CDIN1: variants seen among roughly 807,000 people sequenced by gnomAD.
CDIN1 encodes CDAN1-interacting nuclease 1.
A neutral mutation model predicts 45.3 loss-of-function variants in CDIN1; 33 were observed. The ratio of observed to expected loss-of-function variants is 0.73; its 90% CI spans 0.55 to 0.97. The LOEUF (loss-of-function observed/expected upper bound fraction) is 0.97. Ranked by LOEUF, CDIN1 falls within the 50% of genes least tolerant of loss-of-function variation. CDIN1 has a pLI of 0.00. For synonymous variants in CDIN1, 118 were observed against 124.4 expected, an observed-to-expected ratio of 0.95 and a Z score of 0.34; for missense variants, 303 against 339.4, an observed-to-expected ratio of 0.89 and a Z score of 0.84.
In CDIN1 at chr15:36,796,820, T is replaced by A. The variant is rs142572602; in HGVS notation, c.717-11504T>A. Reference sequence around the variant, plus strand: ...TCCAGCATTAATTAAGCTATGCCTTTAAAATATAATCAGGTACCATCTTTA... The same window carrying A: ...TCCAGCATTAATTAAGCTATGCCTTAAAAATATAATCAGGTACCATCTTTA... On this transcript the variant is annotated intron_variant, in intron 10 of 10. Coordinates refer to ENST00000566621, the MANE Select transcript of CDIN1 (RefSeq NM_001321759.2). Among the ~76,000 whole-genome samples, 41 of 152,374 alleles carry A rather than the reference T, an allele frequency of 2.7e-4. No homozygotes were observed. In the East Asian group the frequency reaches 6.7e-3, roughly 25 times the overall value.
chr15:36,772,798 A>G (rs1274842517), intron 10 of CDIN1, among the ~76,000 whole-genome samples: 1 of 152,218 alleles, frequency 6.6e-6, no homozygotes, highest in Admixed American at 6.5e-5. Context: ...TGTATCTCCA[A>G]ATTCCAAAAG....
intron 5 of CDIN1, among the ~76,000 whole-genome samples, chr15:36,659,966 C>CTTTTTTTTTTTTTTTTTTTTTT (rs778988517): frequency 1.1e-4 from 12 of 105,138 alleles, no homozygotes; most frequent in African/African-American, 1.8e-4. Flanking sequence ...CCTTCCTTTT[C>CTTTTTTTTTTTTTTTTTTTTTT]TTTTTTTTTT....
At chr15:36,727,530 C>A (rs2043681399) in intron 10 of CDIN1, among the ~76,000 whole-genome samples, 1 of 152,064 alleles carries the variant, frequency 6.6e-6, no homozygotes, top group Admixed American at 6.6e-5. Context: ...GCTAGAGAAT[C>A]AGTGGACTTT....
At chr15:36,662,711 A>T (rs771460708) in intron 5 of CDIN1, among the ~76,000 whole-genome samples, 22 of 152,182 alleles carry the variant, frequency 1.4e-4, no homozygotes, top group Non-Finnish European at 2.8e-4. Flanking sequence ...TCCAGGCACT[A>T]TGTTAGGTGC....
chr15:36,682,916 A>G (rs919977411), intron 5 of CDIN1, among the ~76,000 whole-genome samples: 5 of 152,326 alleles, frequency 3.3e-5, no homozygotes, highest in Middle Eastern at 3.4e-3. Context: ...TTGAACAAAA[A>G]TAACAGACAC....
At chr15:36,695,036 A>G (rs1348135673) in intron 7 of CDIN1, among the ~76,000 whole-genome samples, 2 of 152,228 alleles carry the variant, frequency 1.3e-5, no homozygotes, top group Non-Finnish European at 2.9e-5. Context: ...TTAGAAATTT[A>G]AAAAGCACAG....
intron 10 of CDIN1, among the ~76,000 whole-genome samples, chr15:36,774,928 C>G (rs1420953683): frequency 3.9e-5 from 6 of 152,142 alleles, no homozygotes; most frequent in Non-Finnish European, 8.8e-5. Flanking sequence ...AAAATCAATG[C>G]TGAATTACCT....
At chr15:36,798,628 CTT>C (rs936648440) in intron 10 of CDIN1, 12 of 152,106 alleles carry the variant, frequency 7.9e-5, no homozygotes, top group Non-Finnish European at 1.3e-4. Context: ...TTTAAGCAGA[CTT>C]TTATATATCC....
intron 1 of CDIN1, among the ~76,000 whole-genome samples, chr15:36,601,545 A>G (rs1388425506): frequency 6.6e-6 from 1 of 152,206 alleles, no homozygotes; most frequent in Non-Finnish European, 1.5e-5. Flanking sequence ...CTGAGCAGCC[A>G]CAGGGCATTG....
At chr15:36,776,904 C>G (rs2054231860) in intron 10 of CDIN1, among the ~76,000 whole-genome samples, 1 of 152,120 alleles carries the variant, frequency 6.6e-6, no homozygotes, top group South Asian at 2.1e-4. Flanking sequence ...AATTCGCTTT[C>G]ATTTGGAAAT....
At chr15:36,726,465 G>A (rs1425516546) in intron 10 of CDIN1, among the ~76,000 whole-genome samples, 3 of 152,072 alleles carry the variant, frequency 2.0e-5, no homozygotes, top group South Asian at 2.1e-4. Context: ...TGTGCCAAGC[G>A]TGGCCACCCC....
At chr15:36,790,372 G>A (rs759243460) in intron 10 of CDIN1, 2 of 152,190 alleles carry the variant, frequency 1.3e-5, no homozygotes, top group East Asian at 1.9e-4. Context: ...AGGAAGGTAC[G>A]CCAGTGTTGC....
Position 36,585,966 on chromosome 15 carries a change from A to G in CDIN1, c.101+6005A>G, listed in dbSNP as rs1053610222. Among the ~76,000 whole-genome samples, 5 of 152,148 alleles carry G rather than the reference A, an allele frequency of 3.3e-5. No homozygotes were observed. In the South Asian group the frequency reaches 1.0e-3, roughly 32 times the overall value. On this transcript the variant is annotated intron_variant, in intron 1 of 10. Transcript: ENST00000566621. Reference sequence around the variant, plus strand: ...ACAGGCTCTACCTGACCAAACTACAATTACTGACTAAACCTGAACTCTTTT... The same window carrying G: ...ACAGGCTCTACCTGACCAAACTACAGTTACTGACTAAACCTGAACTCTTTT...
chr15:36,615,211 A>C (rs1278742529), intron 1 of CDIN1, among the ~76,000 whole-genome samples: 1 of 152,204 alleles, frequency 6.6e-6, no homozygotes, highest in Admixed American at 6.5e-5. Flanking sequence ...TGGCCACCGC[A>C]TCTGGCTGTG....
rs971897745 is a variant in CDIN1, at chr15:36,711,440, T to C, written c.716+1479T>C. 2.0e-5 allele frequency among the ~76,000 whole-genome samples: 3 copies of C among 152,322 alleles called. No homozygotes were observed. In the South Asian group the frequency reaches 6.2e-4, roughly 32 times the overall value. Reference sequence around the variant, plus strand: ...AATTATTTATTGAATACCTACTGTGTACTTAACATTCACCATTTAGAGGCT... The same window carrying C: ...AATTATTTATTGAATACCTACTGTGCACTTAACATTCACCATTTAGAGGCT... On this transcript the variant is annotated intron_variant, in intron 10 of 10. Transcript: ENST00000566621.
intron 1 of CDIN1, chr15:36,641,733 GT>G (rs933081703): frequency 1.3e-5 from 2 of 152,120 alleles, no homozygotes; most frequent in African/African-American, 4.8e-5. Context: ...CCTTTTTTAT[GT>G]GTGTACTTTT....
At chr15:36,614,610 A>G (rs1466196887) in intron 1 of CDIN1, among the ~76,000 whole-genome samples, 4 of 152,022 alleles carry the variant, frequency 2.6e-5, no homozygotes, top group African/African-American at 7.3e-5. Flanking sequence ...CTTAATGCAT[A>G]TTCCCCTCTC....
chr15:36,686,646 G>A (rs985487060), intron 5 of CDIN1, among the ~76,000 whole-genome samples: 20 of 151,176 alleles, frequency 1.3e-4, no homozygotes, highest in Non-Finnish European at 2.5e-4. Context: ...TTCGGAGGCC[G>A]AGGCAGGTGA....
At chr15:36,693,435 C>T (rs2140726764) in intron 7 of CDIN1, among the ~76,000 whole-genome samples, 1 of 152,246 alleles carries the variant, frequency 6.6e-6, no homozygotes, top group African/African-American at 2.4e-5. Context: ...TGTAGGAGTA[C>T]CAACCTTATG....
Sources: allele counts gnomAD v4.1 joint callset (sites outside exome capture counted in the v4.1 genomes callset), GRCh38; gene constraint gnomAD v4.1.1; transcripts MANE v1.5; gene names NCBI Gene and HGNC (gene_info 2026-07-23, HGNC 2026-07-21).